The following CAVIN1 variants were observed in gnomAD, a reference collection of about 807,000 sequenced individuals.
The protein encoded by CAVIN1 is caveolae associated protein 1.
Under a neutral mutation model 24.0 loss-of-function variants are expected in CAVIN1, and 16 were observed. The observed-to-expected ratio is 0.67, with a 90% CI of 0.45 to 1.01. CAVIN1 has a LOEUF of 1.01. Ranked by LOEUF, CAVIN1 falls within the 50% of genes least tolerant of loss-of-function variation. The pLI, the probability that CAVIN1 is intolerant of heterozygous loss-of-function variation, is 0.00. For synonymous variants in CAVIN1, 256 were observed against 256.4 expected, an observed-to-expected ratio of 1.00 and a Z score of 0.02; for missense variants, 510 against 551.7, an observed-to-expected ratio of 0.92 and a Z score of 0.76.
At chr17:42,411,505 G>A (rs749339738) in intron 1 of CAVIN1, 68 of 985,302 alleles carry the variant, frequency 6.9e-5, no homozygotes, top group Non-Finnish European at 8.2e-5. Flanking sequence ...TGAGTTGGCA[G>A]CTTTTGGGCA....
Position 42,421,843 on chromosome 17 carries a change from G to A in CAVIN1, c.471+784C>T, listed in dbSNP as rs557774358. 3.1e-3 allele frequency among the ~76,000 whole-genome samples: 465 copies of A among 152,086 alleles called. 2 individuals carry two copies. The highest frequency in any genetic ancestry group is 0.01 in the African/African-American group (429 of 41,478). On this transcript the variant is annotated intron_variant, in intron 1 of 1. Coordinates refer to ENST00000357037, the MANE Select transcript of CAVIN1 (RefSeq NM_012232.6). ...TCGCCCAGACTGCGCCCAGACCGCC[G>A]GACCCCGCAGGGGCTGTCCACCCAC...
At position 42,413,565 on chromosome 17, in the gene CAVIN1, GGAAAA is replaced by G. The variant is rs2085493566; in HGVS notation, c.472-8182_472-8178del. On this transcript the variant is annotated intron_variant, in intron 1 of 1. Transcript: ENST00000357037. ...CAGAGCAAAAGTCTGTCTCAAAAAG[GGAAAA>G]AAAAAAAAAAAAAAAAAAAAAAAAA... Among the ~76,000 whole-genome samples the G allele has an allele frequency of 2.2e-4, 14 of 62,602 alleles. 1 individual carries two copies. The highest frequency in any genetic ancestry group is 7.5e-4 in the African/African-American group (13 of 17,334). 41.1% of individuals were successfully genotyped at this position (62,602 alleles called of 152,430 possible).
chr17:42,405,114 C>A lies in CAVIN1; in HGVS notation c.746G>T (p.Arg249Leu). 6.2e-7 allele frequency: 1 copy of A among 1,613,996 alleles called. No homozygotes were observed. Among genetic ancestry groups the A allele is most frequent in the Admixed American group, 1.7e-5 (1 of 60,000 alleles). Residue 249 changes from arginine (R) to leucine (L), a missense_variant, in exon 2 of 2, where the codon CGC (arginine) becomes CTC (leucine). Transcript: ENST00000357037. ...EKMEKTKVRT[R>L]ENLEKTRLKT... is the part of the protein sequence containing the mutation. Reference sequence around the variant, plus strand: ...GAGGCGCGTCTTCTCCAGGTTCTCGCGGGTACGCACCTTGGTCTTCTCCAT... The same window carrying A: ...GAGGCGCGTCTTCTCCAGGTTCTCGAGGGTACGCACCTTGGTCTTCTCCAT...
At chr17:42,415,636 G>C (rs1002254440) in intron 1 of CAVIN1, among the ~76,000 whole-genome samples, 1 of 151,862 alleles carries the variant, frequency 6.6e-6, no homozygotes, top group Non-Finnish European at 1.5e-5. Flanking sequence ...GCTTGAGCCC[G>C]GACGACAGGG....
intron 1 of CAVIN1, among the ~76,000 whole-genome samples, chr17:42,416,235 G>A (rs2085510716): frequency 6.6e-6 from 1 of 152,086 alleles, no homozygotes; most frequent in African/African-American, 2.4e-5. Flanking sequence ...AGGTGTGGTG[G>A]CACATGCCTG....
chr17:42,405,022 G>C lies in CAVIN1; in HGVS notation c.838C>G (p.Arg280Gly). The change falls in exon 2 of 2, where the codon CGC (arginine) becomes GGC (glycine). Residue 280 changes from arginine (R) to glycine (G), a missense_variant. By Grantham distance (125) the Arg-to-Gly change is moderately radical. Transcript: ENST00000357037. ...LEKRMNKLGT[R>G]LVPAERREKL... ...TCGCGCCGCTCGGCGGGCACCAGGCGCGTGCCCAGCTTGTTCATGCGCTTC... is the reference window on the plus strand; with the variant it reads ...TCGCGCCGCTCGGCGGGCACCAGGCCCGTGCCCAGCTTGTTCATGCGCTTC... 6.2e-7 allele frequency: 1 copy of C among 1,614,176 alleles called. No homozygotes were observed. The highest frequency in any genetic ancestry group is 1.1e-5 in the South Asian group (1 of 91,088).
chr17:42,405,871 G>A (rs1316880836), intron 1 of CAVIN1, among the ~76,000 whole-genome samples: 1 of 151,948 alleles, frequency 6.6e-6, no homozygotes, highest in Non-Finnish European at 1.5e-5. Context: ...ATCTTTAATA[G>A]AGACGGTGTT....
chr17:42,423,120 C>T lies in CAVIN1; in HGVS notation c.-23G>A. 1 of 1,516,984 alleles carries T rather than the reference C, an allele frequency of 6.6e-7. No homozygotes were observed. The highest frequency in any genetic ancestry group is 1.2e-5 in the South Asian group (1 of 80,904). The allele number at this position is 1,516,984 out of a possible 1,614,324, so 94.0% of individuals were successfully genotyped here. A position where few individuals can be genotyped will look rare whatever the true frequency, so the allele number is the denominator to read the frequency against. On this transcript the variant is annotated 5_prime_UTR_variant, in exon 1 of 2. Transcript: ENST00000357037. ...CATGGCTACCCGGAGCCGTGCGGGA[C>T]CGGCCGGGTGGGGCTGGAGCTGGAG...
Position 42,404,728 on chromosome 17 carries a change from C to T in CAVIN1, c.1132G>A (p.Glu378Lys), listed in dbSNP as rs1420450943. The T allele has an allele frequency of 3.3e-6, 5 of 1,500,604 alleles. No homozygotes were observed. Among genetic ancestry groups the T allele is most frequent in the Non-Finnish European group, 4.4e-6 (5 of 1,131,252 alleles). The allele number at this position is 1,500,604 out of a possible 1,614,324, so 93.0% of individuals were successfully genotyped here. A position where few individuals can be genotyped will look rare whatever the true frequency, so the allele number is the denominator to read the frequency against. The change falls in exon 2 of 2, where the codon GAG becomes AAG. Residue 378 changes from glutamate (E) to lysine (K), a missense_variant. Physicochemically the swap from Glu to Lys is moderately conservative, Grantham distance 56. Transcript: ENST00000357037. ...TTGTCCACCAGCACGGCGTCCGACTCCTCGGTGATCTCCAGCAGCGCGTGC... is the reference window on the plus strand; with the variant it reads ...TTGTCCACCAGCACGGCGTCCGACTTCTCGGTGATCTCCAGCAGCGCGTGC... ...DVHALLEITE[E>K]SDAVLVDKSD...
chr17:42,422,263 A>G (rs7224135), intron 1 of CAVIN1, among the ~76,000 whole-genome samples: 77,370 of 152,142 alleles, frequency 0.51, 21,505 homozygotes, highest in Admixed American at 0.66. Context: ...TCCCCCAAGT[A>G]GGAAGAAGTT....
In CAVIN1 at chr17:42,422,899, G is replaced by C; in HGVS notation, c.199C>G (p.Gln67Glu). The C allele has an allele frequency of 6.2e-7, 1 of 1,614,118 alleles. No individual in the cohort carries two copies. Among genetic ancestry groups the C allele is most frequent in the Non-Finnish European group, 8.5e-7 (1 of 1,180,022 alleles). The change falls in exon 1 of 2, where the codon CAG becomes GAG. Residue 67 changes from glutamine (Q) to glutamate (E), a missense_variant. By Grantham distance (29) the Gln-to-Glu change is conservative. Transcript: ENST00000357037. ...LLDKIIGAVDQIQLTQAQLEE... is the reference protein window; with the variant it reads ...LLDKIIGAVDEIQLTQAQLEE... Reference sequence around the variant, plus strand: ...AGCTGTGCTTGAGTCAGCTGGATCTGGTCTACGGCCCCGATGATTTTGTCC... The same window carrying C: ...AGCTGTGCTTGAGTCAGCTGGATCTCGTCTACGGCCCCGATGATTTTGTCC...
intron 1 of CAVIN1, chr17:42,411,911 C>T (rs1303538610): frequency 1.5e-5 from 15 of 985,470 alleles, no homozygotes; most frequent in Non-Finnish European, 1.8e-5. Flanking sequence ...AGTGTTCTCA[C>T]AGTACCCGGC....
chr17:42,416,619 G>A (rs1040918492), intron 1 of CAVIN1, among the ~76,000 whole-genome samples: 1 of 143,812 alleles, frequency 7.0e-6, no homozygotes, highest in Admixed American at 6.9e-5. Context: ...AAAAAAAAAA[G>A]GGAGGGAGGA....
chr17:42,404,927 G>A lies in CAVIN1; in HGVS notation c.933C>T (p.Ser311=), dbSNP rs995792715. 1.9e-6 allele frequency: 3 copies of A among 1,614,102 alleles called. No individual in the cohort carries two copies. In the African/African-American group the frequency reaches 4.0e-5, roughly 22 times the overall value. The stretch of plus-strand genomic sequence containing the variant: ...GTGGCACCTTGTAGACCGCGGTCTT[G>A]GAGCGCGCGTACACCACGTGGTCGG... ...FTPDHVVYAR[S]KTAVYKVPPF... The change falls in exon 2 of 2, where the codon TCC becomes TCT. Residue 311 remains serine, a synonymous_variant. Transcript: ENST00000357037.
At position 42,404,865 on chromosome 17, in the gene CAVIN1, T is replaced by A; in HGVS notation, c.995A>T (p.Gln332Leu). The A allele has an allele frequency of 1.9e-6, 3 of 1,613,264 alleles. No individual in the cohort carries two copies. The highest frequency in any genetic ancestry group is 2.5e-6 in the Non-Finnish European group (3 of 1,179,688). The part of the protein sequence containing the change: ...TFHVKKIREG[Q>L]VEVLKATEMV... ...CTCGGTGGCCTTGAGCACTTCCACC[T>A]GGCCCTCGCGGATCTTCTTGACGTG... is the stretch of plus-strand genomic sequence containing the variant. Residue 332 changes from glutamine (Q) to leucine (L), a missense_variant, in exon 2 of 2, where the codon CAG becomes CTG. Coordinates refer to ENST00000357037, the MANE Select transcript of CAVIN1 (RefSeq NM_012232.6).
intron 1 of CAVIN1, chr17:42,412,334 G>C (rs2085484141): frequency 1.0e-6 from 1 of 963,328 alleles, no homozygotes; most frequent in Non-Finnish European, 1.2e-6. Flanking sequence ...GGCATGCAGA[G>C]TAGGGGCTGG....
chr17:42,412,388 AC>A (rs1172175446), intron 1 of CAVIN1: 20 of 416,534 alleles, frequency 4.8e-5, no homozygotes, highest in Non-Finnish European at 4.9e-5. Context: ...GAAATAAACC[AC>A]TTTTTTTTTT....
chr17:42,412,159 G>A (rs1434044510), intron 1 of CAVIN1: 5 of 985,196 alleles, frequency 5.1e-6, no homozygotes, highest in Non-Finnish European at 6.0e-6. Context: ...CACTGTCTCA[G>A]GCTTCAGGTC....
chr17:42,417,111 A>G (rs959179797), intron 1 of CAVIN1, among the ~76,000 whole-genome samples: 2 of 152,128 alleles, frequency 1.3e-5, no homozygotes, highest in African/African-American at 4.8e-5. Context: ...CATGAGCCGC[A>G]TAGCAACGTT....
Sources: gnomAD v4.1 joint callset for allele counts (sites outside exome capture counted in the v4.1 genomes callset) on GRCh38, gnomAD v4.1.1 for gene constraint, MANE v1.5 for transcripts, NCBI Gene and HGNC (gene_info 2026-07-23, HGNC 2026-07-21) for gene names.